Variants in ARHGEF38 observed in about 807,000 individuals in gnomAD.
The protein encoded by ARHGEF38 is Rho guanine nucleotide exchange factor 38.
ARHGEF38 carries 79 observed loss-of-function variants against 79.9 expected under a neutral mutation model. The ratio of observed to expected loss-of-function variants is 0.99; its 90% CI spans 0.82 to 1.19. The LOEUF is 1.19. Ranked by LOEUF, ARHGEF38 falls within the 50% of genes most tolerant of loss-of-function variation. The pLI is 0.00. For missense variants in ARHGEF38, 962 were observed against 907.2 expected, an observed-to-expected ratio of 1.06 and a Z score of -0.78; for synonymous variants, 366 against 328.3, an observed-to-expected ratio of 1.11 and a Z score of -1.24.
intron 1 of ARHGEF38, among the ~76,000 whole-genome samples, chr4:105,586,539 C>T (rs1035412016): frequency 1.3e-5 from 2 of 152,136 alleles, no homozygotes; most frequent in African/African-American, 2.4e-5. Context: ...GCAACTGAAA[C>T]GTCTGTGAAG....
chr4:105,619,574 T>C (rs893657228), intron 3 of ARHGEF38, among the ~76,000 whole-genome samples: 6 of 152,038 alleles, frequency 3.9e-5, no homozygotes, highest in African/African-American at 1.5e-4. Context: ...TCAACTCAAA[T>C]GGTGAGGGAA....
At chr4:105,667,101 A>T in intron 11 of ARHGEF38, 28 bp from the exon 12 acceptor site, 2 of 1,519,874 alleles carry the variant, frequency 1.3e-6, no homozygotes, top group Non-Finnish European at 1.8e-6. Flanking sequence ...TATCTGTCTA[A>T]ACCAAAACTT....
intron 1 of ARHGEF38, among the ~76,000 whole-genome samples, chr4:105,584,873 TC>T (rs1485174746): frequency 2.0e-5 from 3 of 152,140 alleles, no homozygotes. Context: ...TCTTCAGTCC[TC>T]CCCCAACACC....
At chr4:105,554,944 G>GT (rs3842014) in intron 1 of ARHGEF38, among the ~76,000 whole-genome samples, 23,428 of 152,012 alleles carry the variant, frequency 0.15, 1,956 homozygotes, top group African/African-American at 0.22. Context: ...CTAATGACAT[G>GT]TTTTTTCTGT....
intron 1 of ARHGEF38, among the ~76,000 whole-genome samples, chr4:105,571,942 C>G (rs1299190040): frequency 6.6e-6 from 1 of 152,140 alleles, no homozygotes; most frequent in Non-Finnish European, 1.5e-5. Context: ...TACATTAGTC[C>G]TGTGTGTTGT....
chr4:105,671,357 G>A (rs938618605), intron 13 of ARHGEF38, among the ~76,000 whole-genome samples: 1 of 152,156 alleles, frequency 6.6e-6, no homozygotes, highest in Non-Finnish European at 1.5e-5. Flanking sequence ...TGAGGAAGAG[G>A]ATGCACCTGT....
intron 1 of ARHGEF38, among the ~76,000 whole-genome samples, chr4:105,577,421 C>T (rs1030277146): frequency 6.6e-6 from 1 of 151,738 alleles, no homozygotes; most frequent in African/African-American, 2.4e-5. Flanking sequence ...CAGAGTGATG[C>T]TGGCTTCATA....
In ARHGEF38 at chr4:105,678,056, T is replaced by G; in HGVS notation, c.*119T>G. On this transcript the variant is annotated 3_prime_UTR_variant, in exon 14 of 14. Coordinates refer to ENST00000420470, the MANE Select transcript of ARHGEF38 (RefSeq NM_001242729.2). ...ACCTCTGAACTACAGAAACTGATAC[T>G]GTACTGGGTTTTCAGGAATACTGTA... 1 of 766,578 alleles carries G rather than the reference T, an allele frequency of 1.3e-6. No homozygotes were observed. The highest frequency in any genetic ancestry group is 1.9e-6 in the Non-Finnish European group (1 of 514,450). 47.5% of individuals were successfully genotyped at this position (766,578 alleles called of 1,614,324 possible). A position where few individuals can be genotyped will look rare whatever the true frequency, so the allele number is the denominator to read the frequency against.
At chr4:105,595,571 T>A (rs1240009110) in intron 2 of ARHGEF38, among the ~76,000 whole-genome samples, 2 of 152,196 alleles carry the variant, frequency 1.3e-5, no homozygotes, top group African/African-American at 4.8e-5. Flanking sequence ...TGAAATATTT[T>A]CTGGAATAGG....
chr4:105,624,087 G>T (rs535709917), intron 3 of ARHGEF38, among the ~76,000 whole-genome samples: 3 of 152,118 alleles, frequency 2.0e-5, no homozygotes, highest in African/African-American at 7.2e-5. Context: ...TCCCTTCATT[G>T]GTCCCTCTTC....
intron 9 of ARHGEF38, among the ~76,000 whole-genome samples, chr4:105,658,064 T>C (rs1266904039): frequency 2.6e-5 from 4 of 152,104 alleles, no homozygotes; most frequent in African/African-American, 9.7e-5. Flanking sequence ...AGTTGGGCAG[T>C]TCTATGAAGT....
intron 13 of ARHGEF38, among the ~76,000 whole-genome samples, chr4:105,673,115 T>C (rs568069384): frequency 7.6e-4 from 116 of 152,258 alleles, no homozygotes; most frequent in Non-Finnish European, 5.3e-4. Context: ...CAGAATCTCT[T>C]TACCTTTGCT....
chr4:105,607,965 A>AT (rs201887093), intron 2 of ARHGEF38, among the ~76,000 whole-genome samples: 4 of 151,342 alleles, frequency 2.6e-5, no homozygotes, highest in Non-Finnish European at 4.4e-5. Context: ...TTAGGCTTCT[A>AT]TTTAAAAAAA....
chr4:105,635,608 A>G (rs1201464280), intron 4 of ARHGEF38, among the ~76,000 whole-genome samples: 1 of 151,978 alleles, frequency 6.6e-6, no homozygotes, highest in Non-Finnish European at 1.5e-5. Flanking sequence ...AGATTTTCTG[A>G]CCTATGACGC....
intron 2 of ARHGEF38, among the ~76,000 whole-genome samples, chr4:105,599,638 T>C (rs925156130): frequency 3.9e-5 from 6 of 152,144 alleles, no homozygotes; most frequent in African/African-American, 1.4e-4. Flanking sequence ...ATGCCAGCAA[T>C]GTTGAGACAG....
intron 2 of ARHGEF38, among the ~76,000 whole-genome samples, chr4:105,596,180 A>G (rs924414952): frequency 2.6e-5 from 4 of 152,218 alleles, no homozygotes; most frequent in African/African-American, 9.6e-5. Context: ...ATATTGAGCA[A>G]TGGTTCTGTG....
chr4:105,634,863 G>A (rs1281480419), intron 4 of ARHGEF38, among the ~76,000 whole-genome samples: 1 of 152,126 alleles, frequency 6.6e-6, no homozygotes, highest in Admixed American at 6.6e-5. Flanking sequence ...CACTTTGGCT[G>A]CTCACATTAC....
chr4:105,554,015 T>C (rs1406795164), intron 1 of ARHGEF38, among the ~76,000 whole-genome samples: 1 of 152,068 alleles, frequency 6.6e-6, no homozygotes, highest in Non-Finnish European at 1.5e-5. Context: ...TTAAATTAAA[T>C]CTAAAAATTA....
intron 1 of ARHGEF38, among the ~76,000 whole-genome samples, chr4:105,561,186 G>C (rs1016581625): frequency 1.6e-4 from 24 of 152,034 alleles, no homozygotes; most frequent in African/African-American, 5.8e-4. Flanking sequence ...CCAGGAGTTT[G>C]AGACCAGTCT....
Sources: allele counts gnomAD v4.1 joint callset (sites outside exome capture counted in the v4.1 genomes callset), GRCh38; gene constraint gnomAD v4.1.1; transcripts MANE v1.5; gene names NCBI Gene and HGNC (gene_info 2026-07-23, HGNC 2026-07-21).